PEX5: variants seen among roughly 807,000 people sequenced by gnomAD.
PEX5 encodes peroxisomal biogenesis factor 5, also known as PTS1 receptor.
PEX5 carries 52 observed loss-of-function variants against 82.9 expected under a neutral mutation model. That is an observed-to-expected ratio of 0.63 (90% CI 0.50 to 0.79). PEX5 has a LOEUF of 0.79. PEX5 is among the 30% of genes least tolerant of loss of function. The pLI, the probability that PEX5 is intolerant of heterozygous loss-of-function variation, is 0.00. For synonymous variants in PEX5, 300 were observed against 318.8 expected, an observed-to-expected ratio of 0.94 and a Z score of 0.63; for missense variants, 719 against 815.2, an observed-to-expected ratio of 0.88 and a Z score of 1.44.
intron 5 of PEX5, among the ~76,000 whole-genome samples, chr12:7,196,069 ATG>A (rs1250037612): frequency 6.9e-6 from 1 of 145,680 alleles, no homozygotes; most frequent in Non-Finnish European, 1.5e-5. Context: ...ATTATATATA[ATG>A]TATATATAAT....
In PEX5 at chr12:7,211,031, G is replaced by GTGCGGCAATCCCTCATCC. The variant is rs1945509267; in HGVS notation, c.*810_*827dup. The GTGCGGCAATCCCTCATCC allele has an allele frequency of 6.5e-6, 1 of 153,394 alleles. No homozygotes were observed. Among genetic ancestry groups the GTGCGGCAATCCCTCATCC allele is most frequent in the Non-Finnish European group, 1.5e-5 (1 of 68,604 alleles). 9.5% of individuals were successfully genotyped at this position (153,394 alleles called of 1,614,324 possible). On this transcript the variant is annotated 3_prime_UTR_variant, in exon 16 of 16. Coordinates refer to ENST00000675855, the MANE Select transcript of PEX5 (RefSeq NM_001351132.2). ...AGCAAGTGGGAAGGGGGTATGGTGA[G>GTGCGGCAATCCCTCATCC]TGCGGCAATCCCTCATCCTCTTAGA... is the stretch of plus-strand genomic sequence containing the variant.
chr12:7,210,391 T>A lies in PEX5; in HGVS notation c.*168T>A, dbSNP rs1374667293. 15 of 673,948 alleles carry A rather than the reference T, an allele frequency of 2.2e-5. No individual in the cohort carries two copies. The highest frequency in any genetic ancestry group is 3.2e-5 in the Non-Finnish European group (12 of 372,714). The allele number at this position is 673,948 out of a possible 1,614,324, so 41.7% of individuals were successfully genotyped here. A position where few individuals can be genotyped will look rare whatever the true frequency, so the allele number is the denominator to read the frequency against. On this transcript the variant is annotated 3_prime_UTR_variant, in exon 16 of 16. Coordinates refer to ENST00000675855, the MANE Select transcript of PEX5 (RefSeq NM_001351132.2). ...GGTGGGTAGTCTGTGTTCTAGTTCCTACATAATTGTAGGAAAATGAGCTGT... is the reference window on the plus strand; with the variant it reads ...GGTGGGTAGTCTGTGTTCTAGTTCCAACATAATTGTAGGAAAATGAGCTGT...
At chr12:7,198,979 G>A (rs1390432356) in intron 5 of PEX5, 32 bp from the exon 6 acceptor site, 1 of 1,222,200 alleles carries the variant, frequency 8.2e-7, no homozygotes, top group Admixed American at 1.8e-5. Context: ...GAATGAACCT[G>A]TGTGATTTCC....
intron 7 of PEX5, 73 bp from the exon 8 acceptor site, chr12:7,202,168 C>A: frequency 6.2e-7 from 1 of 1,611,602 alleles, no homozygotes. Context: ...GTACAGGGTC[C>A]TCTTGGGCAT....
chr12:7,197,543 AT>A (rs1942977277), intron 5 of PEX5, among the ~76,000 whole-genome samples: 1 of 116,150 alleles, frequency 8.6e-6, no homozygotes, highest in African/African-American at 2.9e-5. Flanking sequence ...ATGTAATTAT[AT>A]ATGTTATATA....
Position 7,199,552 on chromosome 12 carries a change from A to G in PEX5, c.551+439A>G, listed in dbSNP as rs754538355. On this transcript the variant is annotated intron_variant, in intron 6 of 15. Coordinates refer to ENST00000675855, the MANE Select transcript of PEX5 (RefSeq NM_001351132.2). Reference sequence around the variant, plus strand: ...TCATAGATCAACAGGATCCCAAGGCAGAAGAATTTTTCTTAGTACAGAACA... The same window carrying G: ...TCATAGATCAACAGGATCCCAAGGCGGAAGAATTTTTCTTAGTACAGAACA... 1.6e-4 allele frequency among the ~76,000 whole-genome samples: 24 copies of G among 151,828 alleles called. 1 individual carries two copies. In the South Asian group the frequency reaches 5.1e-3, roughly 32 times the overall value.
In PEX5 at chr12:7,190,384, A is replaced by T. The variant is rs752899987; in HGVS notation, c.7A>T (p.Met3Leu). 2.5e-6 allele frequency: 4 copies of T among 1,614,062 alleles called. No homozygotes were observed. The African/African-American group carries it at 5.3e-5, about 22-fold the overall frequency. Reference sequence around the variant, plus strand: ...CAGAGAGCTGGCGGTCACCATGGCAATGCGGGAGCTGGTGGAGGCCGAATG... The same window carrying T: ...CAGAGAGCTGGCGGTCACCATGGCATTGCGGGAGCTGGTGGAGGCCGAATG... MA[M>L]RELVEAECGG... Residue 3 changes from methionine (M) to leucine (L), a missense_variant, in exon 2 of 16, where the codon ATG becomes TTG. Physicochemically the swap from Met to Leu is conservative, Grantham distance 15. Coordinates refer to ENST00000675855, the MANE Select transcript of PEX5 (RefSeq NM_001351132.2).
At position 7,191,425 on chromosome 12, in the gene PEX5, C is replaced by T. The variant is rs749380870; in HGVS notation, c.316+67C>T. The T allele has an allele frequency of 1.9e-6, 3 of 1,608,062 alleles. No homozygotes were observed. The East Asian group carries it at 6.7e-5, about 36-fold the overall frequency. The stretch of plus-strand genomic sequence containing the variant: ...TAGCCAGGGCCAAGGAAGGGGGTTC[C>T]ATTGGATGCTGCTGGCATTGGGGAC... On this transcript the variant is annotated intron_variant, in intron 4 of 15. Coordinates refer to ENST00000675855, the MANE Select transcript of PEX5 (RefSeq NM_001351132.2).
chr12:7,205,307 G>A (rs1333805611), intron 10 of PEX5, among the ~76,000 whole-genome samples: 1 of 147,444 alleles, frequency 6.8e-6, no homozygotes, highest in Non-Finnish European at 1.5e-5. Flanking sequence ...CAATTAGACA[G>A]TATCTGGCTT....
chr12:7,218,327 T>C (rs774061593), intron 17 of PEX5: 2 of 152,312 alleles, frequency 1.3e-5, no homozygotes, highest in African/African-American at 4.8e-5. Flanking sequence ...GGGCAAACTA[T>C]TCTAGGTCAA....
chr12:7,209,127 A>G lies in PEX5; in HGVS notation c.1517A>G (p.Lys506Arg). 1 of 1,614,046 alleles carries G rather than the reference A, an allele frequency of 6.2e-7. No homozygotes were observed. The highest frequency in any genetic ancestry group is 8.5e-7 in the Non-Finnish European group (1 of 1,180,002). ...VLFNLSGEYD[K>R]AVDCFTAALS... ...TTCAACCTGAGTGGGGAGTATGACA[A>G]GGCCGTGGACTGCTTCACAGCTGCC... The change falls in exon 14 of 16, where the codon AAG (lysine) becomes AGG (arginine). Residue 506 changes from lysine to arginine, a missense_variant. By Grantham distance (26) the Lys-to-Arg change is conservative (BLOSUM62 2). Transcript: ENST00000675855.
In PEX5 at chr12:7,210,403, GGAA is replaced by G. The variant is rs1945426192; in HGVS notation, c.*181_*183del. ...GTGTTCTAGTTCCTACATAATTGTA[GGAA>G]AATGAGCTGTGTCATCTCTGAGTCC... On this transcript the variant is annotated 3_prime_UTR_variant, in exon 16 of 16. Transcript: ENST00000675855. The G allele has an allele frequency of 1.5e-6, 1 of 659,808 alleles. No homozygotes were observed. The highest frequency in any genetic ancestry group is 2.7e-6 in the Non-Finnish European group (1 of 363,864). 40.9% of individuals were successfully genotyped at this position (659,808 alleles called of 1,614,324 possible). A position where few individuals can be genotyped will look rare whatever the true frequency, so the allele number is the denominator to read the frequency against.
chr12:7,207,153 A>G (rs917314792), intron 10 of PEX5, among the ~76,000 whole-genome samples: 2 of 152,202 alleles, frequency 1.3e-5, no homozygotes, highest in Non-Finnish European at 2.9e-5. Flanking sequence ...AAAATGCTTG[A>G]AAATGTTTTA....
rs775935095 is a variant in PEX5, at chr12:7,209,123, G to C, written c.1513G>C (p.Asp505His). Reference protein sequence around the residue: ...GVLFNLSGEYDKAVDCFTAAL... With the variant: ...GVLFNLSGEYHKAVDCFTAAL... ...CCTTTTCAACCTGAGTGGGGAGTATGACAAGGCCGTGGACTGCTTCACAGC... is the reference window on the plus strand; with the variant it reads ...CCTTTTCAACCTGAGTGGGGAGTATCACAAGGCCGTGGACTGCTTCACAGC... Residue 505 changes from aspartate to histidine, a missense_variant, in exon 14 of 16, where the codon GAC (aspartate) becomes CAC (histidine). Coordinates refer to ENST00000675855, the MANE Select transcript of PEX5 (RefSeq NM_001351132.2). 1.1e-5 allele frequency: 17 copies of C among 1,614,014 alleles called. No individual in the cohort carries two copies. Among genetic ancestry groups the C allele is most frequent in the Non-Finnish European group, 1.4e-5 (17 of 1,180,024 alleles).
rs777959751 is a variant in PEX5, at chr12:7,200,192, C to T, written c.551+1079C>T. 5.7e-4 allele frequency among the ~76,000 whole-genome samples: 84 copies of T among 146,344 alleles called. 3 individuals carry two copies. The highest frequency in any genetic ancestry group is 1.4e-3 in the African/African-American group (55 of 39,486). On this transcript the variant is annotated intron_variant, in intron 6 of 15. Transcript: ENST00000675855. Reference sequence around the variant, plus strand: ...CTCAGACGGGGCGGCCGGGCAGAGACGCTCCTCACCTCCCAGACGGGGTCG... The same window carrying T: ...CTCAGACGGGGCGGCCGGGCAGAGATGCTCCTCACCTCCCAGACGGGGTCG...
chr12:7,214,712 A>C (rs1945728179), downstream of PEX5, among the ~76,000 whole-genome samples: 1 of 138,874 alleles, frequency 7.2e-6, no homozygotes, highest in South Asian at 2.4e-4. Flanking sequence ...AACTTAAAGT[A>C]TAATAATAAT....
At chr12:7,189,920 C>A in intron 1 of PEX5, 170 bp downstream of exon 1, 1 of 1,456,056 alleles carries the variant, frequency 6.9e-7, no homozygotes, top group Non-Finnish European at 9.0e-7. Context: ...GCTCCGGTGA[C>A]TTAAGGGGAG....
intron 5 of PEX5, 81 bp from the exon 6 acceptor site, chr12:7,198,930 G>C: frequency 1.3e-6 from 1 of 756,916 alleles, no homozygotes; most frequent in East Asian, 2.8e-5. Context: ...AGGGTCAGTT[G>C]AATATGGGCA....
chr12:7,191,608 C>T lies in PEX5; in HGVS notation c.356C>T (p.Ala119Val), dbSNP rs745341735. The T allele has an allele frequency of 3.1e-5, 50 of 1,613,678 alleles. No individual in the cohort carries two copies. In the South Asian group the frequency reaches 5.4e-4, roughly 17 times the overall value. Residue 119 changes from alanine (A) to valine (V), a missense_variant, in exon 5 of 16, where the codon GCC becomes GTC. Coordinates refer to ENST00000675855, the MANE Select transcript of PEX5 (RefSeq NM_001351132.2). ...VADLALSENW[A>V]QEFLAAGDAV... ...GACTTGGCCTTGTCTGAGAACTGGG[C>T]CCAGGAGTTTCTTGCAGCTGGAGAT...
Sources: allele counts gnomAD v4.1 joint callset (sites outside exome capture counted in the v4.1 genomes callset), GRCh38; gene constraint gnomAD v4.1.1; transcripts MANE v1.5; gene names NCBI Gene and HGNC (gene_info 2026-07-23, HGNC 2026-07-21).